The following RANBP17 variants were observed in gnomAD, a reference collection of about 807,000 sequenced individuals.
RANBP17 encodes RAN binding protein 17, also known as ran-binding protein 17.
In RANBP17, 158 loss-of-function variants were observed where a neutral mutation model predicts 141.2. The observed-to-expected ratio is 1.12, with a 90% CI of 0.98 to 1.28. RANBP17 has a LOEUF of 1.28. Among genes scored for constraint, RANBP17 ranks in the 50% most tolerant of loss-of-function variants. The pLI is 0.00. For synonymous variants in RANBP17, 430 were observed against 450.0 expected (o/e 0.96, Z 0.56); for missense variants, 1,438 against 1,290.7 (o/e 1.11, Z -1.75).
rs573653684 is a variant in RANBP17, at chr5:170,959,733, C to A, written c.1574+6031C>A. On this transcript the variant is annotated intron_variant, in intron 13 of 27. Coordinates refer to ENST00000523189, the MANE Select transcript of RANBP17 (RefSeq NM_022897.5). ...CTATGCTGTATTCTAACAAAGGAAG[C>A]TAGAGAAAAGAAAATGTTACTAAGA... 3.3e-5 allele frequency among the ~76,000 whole-genome samples: 5 copies of A among 152,128 alleles called. No homozygotes were observed. In the South Asian group the frequency reaches 1.0e-3, roughly 32 times the overall value.
chr5:171,049,354 G>A (rs1044739608), intron 14 of RANBP17, among the ~76,000 whole-genome samples: 3 of 152,140 alleles, frequency 2.0e-5, no homozygotes, highest in Admixed American at 1.3e-4. Context: ...GTTCCTTATA[G>A]ATGCTGGATA....
chr5:171,269,475 G>T (rs938566279), intron 25 of RANBP17, among the ~76,000 whole-genome samples: 5 of 152,176 alleles, frequency 3.3e-5, no homozygotes, highest in Admixed American at 6.5e-5. Flanking sequence ...AGAACTAATA[G>T]CCTGAAGGGA....
chr5:171,142,349 A>G (rs936068886), intron 14 of RANBP17, among the ~76,000 whole-genome samples: 1 of 152,206 alleles, frequency 6.6e-6, no homozygotes, highest in African/African-American at 2.4e-5. Context: ...TTGTTAGAGT[A>G]CAACTATACA....
intron 14 of RANBP17, among the ~76,000 whole-genome samples, chr5:171,131,323 C>A (rs1349269569): frequency 6.6e-6 from 1 of 152,120 alleles, no homozygotes; most frequent in Non-Finnish European, 1.5e-5. Context: ...CTATTGCTTT[C>A]CAGATCCAGA....
At chr5:171,085,287 A>T (rs1400763571) in intron 14 of RANBP17, among the ~76,000 whole-genome samples, 1 of 142,368 alleles carries the variant, frequency 7.0e-6, no homozygotes, top group Non-Finnish European at 1.5e-5. Context: ...ATGCAGCGTT[A>T]TTTCTGAGGG....
intron 16 of RANBP17, among the ~76,000 whole-genome samples, chr5:171,179,939 C>G (rs1014292961): frequency 1.3e-5 from 2 of 152,118 alleles, no homozygotes; most frequent in Non-Finnish European, 2.9e-5. Flanking sequence ...TCCTCCTTTT[C>G]AAAAGATATA....
intron 25 of RANBP17, among the ~76,000 whole-genome samples, chr5:171,267,468 G>A (rs1016614166): frequency 1.3e-5 from 2 of 152,074 alleles, no homozygotes; most frequent in African/African-American, 2.4e-5. Context: ...CATCAATAGT[G>A]TGTTGCTATA....
intron 25 of RANBP17, chr5:171,284,721 A>T (rs1351693144): frequency 1.3e-5 from 2 of 152,198 alleles, no homozygotes; most frequent in Non-Finnish European, 2.9e-5. Context: ...AAAATGGGGT[A>T]TGCAGTCAAG....
intron 14 of RANBP17, among the ~76,000 whole-genome samples, chr5:171,044,284 G>A (rs1489398898): frequency 2.6e-5 from 4 of 151,810 alleles, no homozygotes; most frequent in Admixed American, 1.3e-4. Context: ...TATTGTTTAT[G>A]AGTACAAATT....
intron 14 of RANBP17, among the ~76,000 whole-genome samples, chr5:171,076,930 CAAAT>C (rs900123306): frequency 9.9e-5 from 15 of 152,086 alleles, no homozygotes; most frequent in African/African-American, 2.2e-4. Flanking sequence ...ACATATCTAA[CAAAT>C]AAATGAAGGA....
intron 14 of RANBP17, among the ~76,000 whole-genome samples, chr5:171,100,526 T>C (rs1396114622): frequency 1.3e-5 from 2 of 152,198 alleles, no homozygotes; most frequent in African/African-American, 4.8e-5. Flanking sequence ...CTATCTATTT[T>C]GTCAATCTTT....
chr5:170,979,637 G>A (rs999483212), intron 14 of RANBP17, among the ~76,000 whole-genome samples: 1 of 152,172 alleles, frequency 6.6e-6, no homozygotes, highest in African/African-American at 2.4e-5. Flanking sequence ...TCCTGCATAA[G>A]CTATCTTAAT....
In RANBP17 at chr5:170,890,974, T is replaced by C. The variant is rs186855230; in HGVS notation, c.257-1413T>C. ...CCAAGTAGGTAGGACTGTAGGCGCA[T>C]GTCACAATACCCAGCTAATGTTTTA... On this transcript the variant is annotated intron_variant, in intron 3 of 27. Coordinates refer to ENST00000523189, the MANE Select transcript of RANBP17 (RefSeq NM_022897.5). 2.6e-5 allele frequency among the ~76,000 whole-genome samples: 4 copies of C among 152,288 alleles called. No individual in the cohort carries two copies. In the East Asian group the frequency reaches 7.7e-4, roughly 29 times the overall value.
At chr5:171,118,167 T>C (rs1755777328) in intron 14 of RANBP17, among the ~76,000 whole-genome samples, 1 of 152,168 alleles carries the variant, frequency 6.6e-6, no homozygotes, top group Non-Finnish European at 1.5e-5. Context: ...TTGATTGTCA[T>C]ATAAAGTGAG....
rs181218071 is a variant in RANBP17, at chr5:170,961,006, A to G, written c.1575-7236A>G. Among the ~76,000 whole-genome samples, 3 of 152,326 alleles carry G rather than the reference A, an allele frequency of 2.0e-5. No homozygotes were observed. In the East Asian group the frequency reaches 5.8e-4, roughly 29 times the overall value. On this transcript the variant is annotated intron_variant, in intron 13 of 27. Coordinates refer to ENST00000523189, the MANE Select transcript of RANBP17 (RefSeq NM_022897.5). ...AGGGATCTGCCTGCCTTGGGCTCCC[A>G]AAGTGCTGGGATTACAGGCGTGAGC...
At chr5:171,263,850 C>G (rs922283211) in intron 24 of RANBP17, among the ~76,000 whole-genome samples, 4 of 152,118 alleles carry the variant, frequency 2.6e-5, no homozygotes, top group Admixed American at 2.0e-4. Flanking sequence ...ATCGCTTGAG[C>G]TCAGGAGTTC....
chr5:170,962,957 T>C (rs868016382), intron 13 of RANBP17, among the ~76,000 whole-genome samples: 2 of 152,162 alleles, frequency 1.3e-5, no homozygotes, highest in Non-Finnish European at 2.9e-5. Context: ...CGAGAAGTCA[T>C]TGAGGGTAAA....
intron 14 of RANBP17, among the ~76,000 whole-genome samples, chr5:170,985,963 T>C (rs934104873): frequency 2.0e-5 from 3 of 152,094 alleles, no homozygotes; most frequent in African/African-American, 7.2e-5. Flanking sequence ...TCCAAATTGC[T>C]TTTCAGGAAG....
At chr5:171,243,122 A>C in intron 24 of RANBP17, 1 of 263,900 alleles carries the variant, frequency 3.8e-6, no homozygotes, top group Non-Finnish European at 7.0e-6. Flanking sequence ...CATAACCACC[A>C]CGACCAATAT....
Sources: gnomAD v4.1 joint callset for allele counts (sites outside exome capture counted in the v4.1 genomes callset) on GRCh38, gnomAD v4.1.1 for gene constraint, MANE v1.5 for transcripts, NCBI Gene and HGNC (gene_info 2026-07-23, HGNC 2026-07-21) for gene names.